The following SYT9 variants were observed in gnomAD, a reference collection of about 807,000 sequenced individuals.
SYT9 encodes synaptotagmin-9.
SYT9 carries 22 observed loss-of-function variants against 48.4 expected under a neutral mutation model. The observed-to-expected ratio is 0.45, with a 90% confidence interval of 0.32 to 0.65. SYT9 has a LOEUF of 0.65. Ranked by LOEUF, SYT9 falls within the 30% of genes least tolerant of loss-of-function variation. The pLI is 0.03. For missense variants in SYT9, 577 were observed against 622.0 expected, an observed-to-expected ratio of 0.93 and a Z score of 0.77; for synonymous variants, 265 against 245.0, an observed-to-expected ratio of 1.08 and a Z score of -0.76.
At chr11:7,407,196 A>C (rs1477954633) in intron 3 of SYT9, among the ~76,000 whole-genome samples, 1 of 151,974 alleles carries the variant, frequency 6.6e-6, no homozygotes, top group Non-Finnish European at 1.5e-5. Flanking sequence ...ATGAGCTTTT[A>C]AATTTAATAA....
At chr11:7,422,423 C>T (rs1157375037) in intron 6 of SYT9, among the ~76,000 whole-genome samples, 1 of 152,130 alleles carries the variant, frequency 6.6e-6, no homozygotes, top group Non-Finnish European at 1.5e-5. Context: ...GATCTATGAG[C>T]CACTTGAGAA....
chr11:7,434,179 G>A (rs939392294), intron 6 of SYT9, among the ~76,000 whole-genome samples: 4 of 152,188 alleles, frequency 2.6e-5, no homozygotes, highest in African/African-American at 4.8e-5. Context: ...AGGAAGCTAC[G>A]TCTGTGCTTA....
chr11:7,281,586 TA>T (rs746269466), intron 1 of SYT9, among the ~76,000 whole-genome samples: 1 of 152,118 alleles, frequency 6.6e-6, no homozygotes, highest in Non-Finnish European at 1.5e-5. Context: ...GCCATGAGAG[TA>T]GATTTTTGGA....
At chr11:7,416,855 A>C (rs961876724) in intron 4 of SYT9, among the ~76,000 whole-genome samples, 4 of 152,170 alleles carry the variant, frequency 2.6e-5, no homozygotes, top group Non-Finnish European at 5.9e-5. Flanking sequence ...CACACTGATA[A>C]AGCTTATCTA....
chr11:7,298,579 T>G (rs1848855442), intron 1 of SYT9, among the ~76,000 whole-genome samples: 1 of 152,194 alleles, frequency 6.6e-6, no homozygotes, highest in Non-Finnish European at 1.5e-5. Context: ...ACAACCAATT[T>G]TTCTCATCCA....
rs752874842 is a variant in SYT9 at position 7,467,141 on chromosome 11, C to T, written c.*341C>T. On this transcript the variant is annotated 3_prime_UTR_variant, in exon 7 of 7. Coordinates refer to ENST00000318881, the MANE Select transcript of SYT9 (RefSeq NM_175733.4). Reference sequence around the variant, plus strand: ...CATATGAAGCCCTTGGTGATGAGGACATAGCATCTGCCCTGGAAATCGTTA... The same window carrying T: ...CATATGAAGCCCTTGGTGATGAGGATATAGCATCTGCCCTGGAAATCGTTA... 1.0e-5 allele frequency: 3 copies of T among 286,654 alleles called. No individual in the cohort carries two copies. The highest frequency in any genetic ancestry group is 1.9e-5 in the Non-Finnish European group (3 of 154,500). The allele number at this position is 286,654 out of a possible 1,614,324, so 17.8% of individuals were successfully genotyped here. A position where few individuals can be genotyped will look rare whatever the true frequency, so the allele number is the denominator to read the frequency against.
intron 1 of SYT9, among the ~76,000 whole-genome samples, chr11:7,277,789 A>G (rs1011954192): frequency 1.3e-5 from 2 of 152,220 alleles, no homozygotes; most frequent in African/African-American, 4.8e-5. Context: ...ATTCATGCCT[A>G]GAATATTTTA....
chr11:7,316,774 TC>T (rs1849250711), intron 3 of SYT9, among the ~76,000 whole-genome samples: 1 of 152,244 alleles, frequency 6.6e-6, no homozygotes, highest in Non-Finnish European at 1.5e-5. Flanking sequence ...TCCCTAGTGT[TC>T]CACTTTCTCT....
chr11:7,317,981 C>T (rs556640125), intron 3 of SYT9, among the ~76,000 whole-genome samples: 1 of 152,154 alleles, frequency 6.6e-6, no homozygotes, highest in East Asian at 1.9e-4. Context: ...AAGTTAAACA[C>T]CCTCTCTGGT....
intron 6 of SYT9, among the ~76,000 whole-genome samples, chr11:7,443,295 T>C (rs1436174452): frequency 1.3e-5 from 2 of 152,214 alleles, no homozygotes; most frequent in Admixed American, 1.3e-4. Flanking sequence ...GAATTTACAA[T>C]CTGGCTGAGG....
At chr11:7,302,981 C>A in intron 1 of SYT9, 58 bp from the exon 2 acceptor site, 1 of 1,495,286 alleles carries the variant, frequency 6.7e-7, no homozygotes, top group Non-Finnish European at 9.3e-7. Flanking sequence ...CCACGCTGTG[C>A]AATGGGTGGG....
intron 3 of SYT9, among the ~76,000 whole-genome samples, chr11:7,394,364 T>G (rs1449052034): frequency 2.6e-5 from 4 of 152,166 alleles, no homozygotes; most frequent in Non-Finnish European, 5.9e-5. Flanking sequence ...TCTATCATTG[T>G]TGGACATTTG....
intron 3 of SYT9, among the ~76,000 whole-genome samples, chr11:7,387,421 C>G (rs2134055123): frequency 6.6e-6 from 1 of 152,228 alleles, no homozygotes; most frequent in East Asian, 1.9e-4. Flanking sequence ...CTTGTATCCA[C>G]TCTATTAATC....
intron 6 of SYT9, among the ~76,000 whole-genome samples, chr11:7,422,183 T>TGGAGAGGC (rs1166870927): frequency 1.3e-5 from 2 of 151,934 alleles, no homozygotes; most frequent in Non-Finnish European, 2.9e-5. Flanking sequence ...AGGGCGGCTG[T>TGGAGAGGC]GGAGAGGCAG....
At chr11:7,324,319 G>A (rs947927047) in intron 3 of SYT9, among the ~76,000 whole-genome samples, 2 of 151,740 alleles carry the variant, frequency 1.3e-5, no homozygotes, top group Non-Finnish European at 2.9e-5. Flanking sequence ...ATTGATCAGT[G>A]TCACTGGAGT....
At chr11:7,404,593 A>G (rs1392976564) in intron 3 of SYT9, among the ~76,000 whole-genome samples, 1 of 152,138 alleles carries the variant, frequency 6.6e-6, no homozygotes, top group Non-Finnish European at 1.5e-5. Context: ...AGTTTCAACA[A>G]TTCTAGCTGG....
chr11:7,393,429 A>C (rs1846678509), intron 3 of SYT9, among the ~76,000 whole-genome samples: 1 of 151,960 alleles, frequency 6.6e-6, no homozygotes, highest in African/African-American at 2.4e-5. Flanking sequence ...ATGTTGAGCC[A>C]ACCTTATTCT....
rs529795261 is a variant in SYT9, at chr11:7,392,288, T to C, written c.1045-23754T>C. On this transcript the variant is annotated intron_variant, in intron 3 of 6. Transcript: ENST00000318881. Reference sequence around the variant, plus strand: ...ATTTTGAGTTAATTTTTGTATATTATGATAGATAGGGGTCCACTTTTTTTC... The same window carrying C: ...ATTTTGAGTTAATTTTTGTATATTACGATAGATAGGGGTCCACTTTTTTTC... Among the ~76,000 whole-genome samples, 55 of 152,320 alleles carry C rather than the reference T, an allele frequency of 3.6e-4. 1 individual carries two copies. In the South Asian group the frequency reaches 0.011, roughly 30 times the overall value.
intron 1 of SYT9, among the ~76,000 whole-genome samples, chr11:7,261,919 G>A (rs1848087488): frequency 6.6e-6 from 1 of 152,166 alleles, no homozygotes; most frequent in Non-Finnish European, 1.5e-5. Flanking sequence ...CAGTAAGATA[G>A]GAAGCCATTA....
Sources: gnomAD v4.1 joint callset for allele counts (sites outside exome capture counted in the v4.1 genomes callset) on GRCh38, gnomAD v4.1.1 for gene constraint, MANE v1.5 for transcripts, NCBI Gene and HGNC (gene_info 2026-07-23, HGNC 2026-07-21) for gene names.